The following BMERB1 variants were observed in gnomAD, a reference collection of about 807,000 sequenced individuals.
BMERB1 encodes bMERB domain containing 1.
Under a neutral mutation model 23.6 loss-of-function variants are expected in BMERB1, and 12 were observed. The ratio of observed to expected loss-of-function variants is 0.51; its 90% CI spans 0.33 to 0.82. The LOEUF is 0.82. Among genes scored for constraint, BMERB1 ranks in the 40% least tolerant of loss-of-function variants. The probability of loss-of-function intolerance (pLI) is 0.03; values close to 1 mark genes in which losing one functional copy is unlikely to be tolerated. For synonymous variants in BMERB1, 122 were observed against 96.6 expected (o/e 1.26, Z -1.54); for missense variants, 247 against 255.4 (o/e 0.97, Z 0.22).
intron 1 of BMERB1, among the ~76,000 whole-genome samples, chr16:15,499,325 G>A (rs1348946556): frequency 6.6e-6 from 1 of 150,660 alleles, no homozygotes; most frequent in East Asian, 2.0e-4. Flanking sequence ...TTGAACCCGG[G>A]AGGTGGAGGT....
At chr16:15,475,033 A>T (rs1172866473) in intron 1 of BMERB1, among the ~76,000 whole-genome samples, 3 of 151,948 alleles carry the variant, frequency 2.0e-5, no homozygotes, top group African/African-American at 7.2e-5. Flanking sequence ...GAGCTATAGT[A>T]TGAGGGGTGG....
chr16:15,488,332 C>T (rs781487043), intron 1 of BMERB1, among the ~76,000 whole-genome samples: 3 of 152,186 alleles, frequency 2.0e-5, no homozygotes, highest in Admixed American at 6.5e-5. Flanking sequence ...CCATTCTTGT[C>T]TCACAGGCTG....
chr16:15,552,523 C>G (rs980200337), intron 2 of BMERB1, among the ~76,000 whole-genome samples: 1 of 152,146 alleles, frequency 6.6e-6, no homozygotes, highest in Non-Finnish European at 1.5e-5. Context: ...GTGCAGAGGG[C>G]TAAGTGCGGT....
chr16:15,520,200 A>G (rs2051833156), intron 2 of BMERB1, among the ~76,000 whole-genome samples: 1 of 152,146 alleles, frequency 6.6e-6, no homozygotes, highest in African/African-American at 2.4e-5. Context: ...TAGTACCAGG[A>G]TTTGAACCCA....
At chr16:15,581,473 C>T in intron 4 of BMERB1, 142 bp downstream of exon 4, 1 of 574,648 alleles carries the variant, frequency 1.7e-6, no homozygotes, top group Non-Finnish European at 3.0e-6. Flanking sequence ...ACACTGAATC[C>T]CAAGGAACCC....
At chr16:15,454,663 A>G (rs116295538) in intron 1 of BMERB1, among the ~76,000 whole-genome samples, 357 of 152,226 alleles carry the variant, frequency 2.3e-3, no homozygotes, top group African/African-American at 6.4e-3. Flanking sequence ...GTGATGGCAC[A>G]TGCTTTTAGT....
At chr16:15,520,477 CTTTTTTTTTTTTT>C (rs147757819) in intron 2 of BMERB1, among the ~76,000 whole-genome samples, 1 of 109,362 alleles carries the variant, frequency 9.1e-6, no homozygotes, top group Non-Finnish European at 1.8e-5. Context: ...CATAGATGTT[CTTTTTTTTTTTTT>C]TTTTTTTTGA....
chr16:15,565,837 A>C (rs1480291871), intron 2 of BMERB1, among the ~76,000 whole-genome samples: 2 of 152,186 alleles, frequency 1.3e-5, no homozygotes, highest in Non-Finnish European at 2.9e-5. Context: ...ATACAGCAGG[A>C]CCCTGTCTCA....
chr16:15,535,492 A>C (rs1295113457), intron 2 of BMERB1, among the ~76,000 whole-genome samples: 1 of 151,306 alleles, frequency 6.6e-6, no homozygotes, highest in African/African-American at 2.4e-5. Context: ...CTAAAAATAC[A>C]AAAAAAAATT....
At chr16:15,514,852 G>A (rs1018507152) in intron 1 of BMERB1, among the ~76,000 whole-genome samples, 1 of 152,134 alleles carries the variant, frequency 6.6e-6, no homozygotes. Flanking sequence ...AGGCCGAGGC[G>A]GGTAGATCAC....
At chr16:15,565,746 G>T (rs1388709887) in intron 2 of BMERB1, among the ~76,000 whole-genome samples, 1 of 152,186 alleles carries the variant, frequency 6.6e-6, no homozygotes, top group East Asian at 1.9e-4. Context: ...TGTAGTGCCA[G>T]CTACTTCAGA....
intron 2 of BMERB1, among the ~76,000 whole-genome samples, chr16:15,563,155 G>A (rs1598522974): frequency 1.3e-5 from 2 of 152,328 alleles, no homozygotes; most frequent in Admixed American, 1.3e-4. Context: ...GCTGAAGTGG[G>A]TGGATTGCTT....
At chr16:15,521,328 CAGTCTGCTGGG>C (rs1255939244) in intron 2 of BMERB1, among the ~76,000 whole-genome samples, 1 of 152,182 alleles carries the variant, frequency 6.6e-6, no homozygotes. Context: ...TTTGTGAAGT[CAGTCTGCTGGG>C]AATGTGCTGT....
rs769879938 is a variant in BMERB1 at position 15,581,274 on chromosome 16, A to T, written c.362A>T (p.His121Leu). ...QREDELIQKIHKLVQKRDFLV... is the reference protein window; with the variant it reads ...QREDELIQKILKLVQKRDFLV... ...GAGGATGAGCTAATCCAGAAGATCC[A>T]CAAACTGGTGCAGAAGAGAGACTTC... The change falls in exon 4 of 6, where the codon CAC becomes CTC. Residue 121 changes from histidine to leucine, a missense_variant. Physicochemically the swap from His to Leu is moderately conservative, Grantham distance 99. Transcript: ENST00000300006. 3.1e-6 allele frequency: 5 copies of T among 1,614,006 alleles called. No homozygotes were observed. Among genetic ancestry groups the T allele is most frequent in the Non-Finnish European group, 4.2e-6 (5 of 1,179,998 alleles).
intron 1 of BMERB1, among the ~76,000 whole-genome samples, chr16:15,473,121 A>T (rs1598458202): frequency 1.3e-5 from 2 of 152,002 alleles, no homozygotes; most frequent in East Asian, 3.9e-4. Flanking sequence ...CAGCCTCCCG[A>T]AGTGTTGGGA....
intron 2 of BMERB1, among the ~76,000 whole-genome samples, chr16:15,534,594 C>G (rs1294339775): frequency 6.6e-6 from 1 of 152,080 alleles, no homozygotes; most frequent in Admixed American, 6.6e-5. Context: ...ATCGTGGTAT[C>G]CATATGGCCA....
chr16:15,513,326 T>C (rs554052807), intron 1 of BMERB1, among the ~76,000 whole-genome samples: 5 of 152,236 alleles, frequency 3.3e-5, no homozygotes, highest in Admixed American at 6.5e-5. Context: ...GTGGATTGCT[T>C]AAGTGCTTCG....
At chr16:15,458,831 G>T (rs965023708) in intron 1 of BMERB1, among the ~76,000 whole-genome samples, 2 of 152,046 alleles carry the variant, frequency 1.3e-5, no homozygotes, top group African/African-American at 2.4e-5. Context: ...ACAAAGCCAG[G>T]TGCGGTGGCT....
intron 1 of BMERB1, among the ~76,000 whole-genome samples, chr16:15,448,345 G>A (rs1381732604): frequency 6.6e-6 from 1 of 152,172 alleles, no homozygotes; most frequent in Non-Finnish European, 1.5e-5. Flanking sequence ...GGAGTCTGCA[G>A]GAGCAGTGGG....
Sources: allele counts gnomAD v4.1 joint callset (sites outside exome capture counted in the v4.1 genomes callset), GRCh38; gene constraint gnomAD v4.1.1; transcripts MANE v1.5; gene names NCBI Gene and HGNC (gene_info 2026-07-23, HGNC 2026-07-21).